Variants in CBFA2T2 observed in about 807,000 individuals in gnomAD.
CBFA2T2 encodes CBFA2/RUNX1 partner transcriptional co-repressor 2, also known as protein CBFA2T2.
CBFA2T2 carries 11 observed loss-of-function variants against 62.2 expected under a neutral mutation model. The ratio of observed to expected loss-of-function variants is 0.18; its 90% CI spans 0.11 to 0.29. The LOEUF (loss-of-function observed/expected upper bound fraction) is 0.29. Among genes scored for constraint, CBFA2T2 ranks in the 10% least tolerant of loss-of-function variants. The pLI is 1.00. For synonymous variants in CBFA2T2, 295 were observed against 287.5 expected (o/e 1.03, Z -0.27); for missense variants, 592 against 774.1 (o/e 0.76, Z 2.79).
intron 1 of CBFA2T2, among the ~76,000 whole-genome samples, chr20:33,597,724 A>G (rs1017623640): frequency 2.0e-5 from 3 of 151,998 alleles, no homozygotes; most frequent in East Asian, 1.9e-4. Context: ...GCTCACTGCA[A>G]CCTCCTTTTG....
At chr20:33,620,156 A>G (rs151139289) in intron 4 of CBFA2T2, among the ~76,000 whole-genome samples, 77 of 152,294 alleles carry the variant, frequency 5.1e-4, no homozygotes, top group African/African-American at 1.9e-3. Context: ...TCATGCTTAC[A>G]TGATAAATGA....
rs188699103 is a variant in CBFA2T2, at chr20:33,559,596, C to T, written c.35-47360C>T. Among the ~76,000 whole-genome samples the T allele has an allele frequency of 9.4e-4, 143 of 152,244 alleles. 2 individuals carry two copies. Among genetic ancestry groups the T allele is most frequent in the Non-Finnish European group, 1.9e-4 (13 of 68,024 alleles). ...CTGCATCCTGGGTTCAAGCCATTCT[C>T]CTGGCTCAGCCTCCCAAGTAGCTTG... On this transcript the variant is annotated intron_variant, in intron 1 of 10. Transcript: ENST00000342704.
At chr20:33,508,822 G>C (rs773045359) in intron 1 of CBFA2T2, among the ~76,000 whole-genome samples, 30 of 152,194 alleles carry the variant, frequency 2.0e-4, no homozygotes, top group Non-Finnish European at 3.7e-4. Flanking sequence ...GCTATCAGAA[G>C]TAGGAAATTG....
chr20:33,625,765 T>C (rs1008165972), intron 6 of CBFA2T2, among the ~76,000 whole-genome samples: 2 of 151,914 alleles, frequency 1.3e-5, no homozygotes, highest in Non-Finnish European at 2.9e-5. Context: ...ATGGGCAACA[T>C]AGAGAGACCT....
At chr20:33,636,530 TA>T in intron 8 of CBFA2T2, 109 bp from the exon 9 acceptor site, 1 of 745,214 alleles carries the variant, frequency 1.3e-6, no homozygotes. Context: ...TTTTTTATAC[TA>T]AATGAAATAT....
rs543786829 is a variant in CBFA2T2, at chr20:33,519,686, G to C, written c.34+29385G>C. ...TCATCTGGGAAGCTTGTGAAATGTA[G>C]GTTCACCCCCTGGATTTTTAAATCC... On this transcript the variant is annotated intron_variant, in intron 1 of 10. Transcript: ENST00000342704. 9.2e-5 allele frequency among the ~76,000 whole-genome samples: 14 copies of C among 152,220 alleles called. No homozygotes were observed. In the South Asian group the frequency reaches 2.9e-3, roughly 32 times the overall value.
intron 1 of CBFA2T2, among the ~76,000 whole-genome samples, chr20:33,556,194 C>T (rs1321129288): frequency 6.6e-6 from 1 of 152,198 alleles, no homozygotes; most frequent in Non-Finnish European, 1.5e-5. Flanking sequence ...AACAGTTCTT[C>T]AGCCTGCCTG....
chr20:33,633,526 T>G (rs1343409102), intron 8 of CBFA2T2, among the ~76,000 whole-genome samples: 2 of 152,234 alleles, frequency 1.3e-5, no homozygotes, highest in Non-Finnish European at 2.9e-5. Flanking sequence ...TTTAAATTAA[T>G]GCAATGTAGG....
rs1230713793 is a variant in CBFA2T2, at chr20:33,609,792, A to G, written c.179-1302A>G. Among the ~76,000 whole-genome samples the G allele has an allele frequency of 2.0e-5, 3 of 152,220 alleles. No homozygotes were observed. In the East Asian group the frequency reaches 5.8e-4, roughly 29 times the overall value. ...TTAATAAGTTGGTTTTTGGCAAAAT[A>G]TGACTAAATGTCTTTTTTCTAAGCT... On this transcript the variant is annotated intron_variant, in intron 2 of 10. Transcript: ENST00000342704.
chr20:33,504,871 A>G (rs1395946647), intron 1 of CBFA2T2, among the ~76,000 whole-genome samples: 1 of 152,090 alleles, frequency 6.6e-6, no homozygotes, highest in Admixed American at 6.6e-5. Context: ...GGTGAAATCA[A>G]TTTTGGTCAT....
At chr20:33,539,632 T>G (rs553934477) in intron 1 of CBFA2T2, among the ~76,000 whole-genome samples, 29 of 152,188 alleles carry the variant, frequency 1.9e-4, no homozygotes, top group African/African-American at 7.0e-4. Context: ...TTGGAAGCAG[T>G]GCATCAAAAT....
At chr20:33,588,919 AG>A (rs943260989) in intron 1 of CBFA2T2, among the ~76,000 whole-genome samples, 39 of 152,102 alleles carry the variant, frequency 2.6e-4, no homozygotes, top group African/African-American at 9.2e-4. Flanking sequence ...TCCAGCCTGG[AG>A]GACAGAGTGA....
At chr20:33,545,229 T>C (rs1216535963) in intron 1 of CBFA2T2, among the ~76,000 whole-genome samples, 1 of 152,186 alleles carries the variant, frequency 6.6e-6, no homozygotes, top group Non-Finnish European at 1.5e-5. Context: ...CTGAAAACTA[T>C]AAAACATTAA....
At chr20:33,623,748 A>G (rs1359952012) in intron 5 of CBFA2T2, 2 of 704,894 alleles carry the variant, frequency 2.8e-6, no homozygotes, top group East Asian at 2.7e-5. Flanking sequence ...TTCTGTGGTT[A>G]TTTTTGCTTT....
chr20:33,493,151 C>T (rs1295584487), intron 1 of CBFA2T2, among the ~76,000 whole-genome samples: 1 of 147,176 alleles, frequency 6.8e-6, no homozygotes, highest in Non-Finnish European at 1.5e-5. Context: ...TCTCGGCTCA[C>T]TGCAACCTCC....
intron 1 of CBFA2T2, among the ~76,000 whole-genome samples, chr20:33,519,236 A>G (rs903981987): frequency 6.6e-6 from 1 of 152,138 alleles, no homozygotes; most frequent in African/African-American, 2.4e-5. Context: ...TTGGGAGGCC[A>G]AGATGGGCAG....
intron 1 of CBFA2T2, among the ~76,000 whole-genome samples, chr20:33,503,924 A>G (rs896520414): frequency 2.6e-5 from 4 of 151,336 alleles, no homozygotes; most frequent in Non-Finnish European, 4.4e-5. Context: ...GTTTTGTATT[A>G]TTAGTATGCA....
At chr20:33,642,112 T>TGTG (rs1555851358) in intron 10 of CBFA2T2, among the ~76,000 whole-genome samples, 3 of 74,612 alleles carry the variant, frequency 4.0e-5, no homozygotes, top group Non-Finnish European at 6.7e-5. Context: ...TGTCTTTTTT[T>TGTG]TTTTTGTGTG....
Position 33,629,849 on chromosome 20 carries a change from G to T in CBFA2T2, c.1163G>T (p.Arg388Met). ...CGGTACAATGAAAACACAGAGCTGA[G>T]GAAAACGGGGACCGAGTTGGTCTCC... The part of the protein sequence containing the change: ...KRRYNENTEL[R>M]KTGTELVSRQ... The change falls in exon 8 of 11, where the codon AGG becomes ATG. Residue 388 changes from arginine (R) to methionine (M), a missense_variant. Coordinates refer to ENST00000342704, the MANE Select transcript of CBFA2T2 (RefSeq NM_001032999.3). 1 of 1,614,140 alleles carries T rather than the reference G, an allele frequency of 6.2e-7. No homozygotes were observed.
Sources: allele counts gnomAD v4.1 joint callset (sites outside exome capture counted in the v4.1 genomes callset), GRCh38; gene constraint gnomAD v4.1.1; transcripts MANE v1.5; gene names NCBI Gene and HGNC (gene_info 2026-07-23, HGNC 2026-07-21).